The following IL1RAPL2 variants were observed in gnomAD, a reference collection of about 807,000 sequenced individuals.
IL1RAPL2 encodes the protein X-linked interleukin-1 receptor accessory protein-like 2.
IL1RAPL2 carries 3 observed loss-of-function variants against 44.1 expected under a neutral mutation model. That is an observed-to-expected ratio of 0.07 (90% confidence interval 0.03 to 0.18). The LOEUF (loss-of-function observed/expected upper bound fraction) is 0.18, where lower values mean the gene tolerates loss of function less well. IL1RAPL2 is among the 10% of genes least tolerant of loss of function. The pLI, the probability that IL1RAPL2 is intolerant of heterozygous loss-of-function variation, is 1.00. For missense variants in IL1RAPL2, 391 were observed against 496.4 expected (o/e 0.79, Z 2.02); for synonymous variants, 181 against 178.8 (o/e 1.01, Z -0.10).
At chrX:105,143,237 C>T (rs2033143086) in intron 2 of IL1RAPL2, among the ~76,000 whole-genome samples, 1 of 111,324 alleles carries the variant, frequency 9.0e-6, no homozygotes, top group Non-Finnish European at 1.9e-5. Context: ...TGAACACAAA[C>T]AAATTCACAA....
chrX:105,728,358 A>T (rs1252483342), intron 7 of IL1RAPL2, among the ~76,000 whole-genome samples: 1 of 111,497 alleles, frequency 9.0e-6, no homozygotes, highest in Admixed American at 9.6e-5. Flanking sequence ...ATGACAAAAT[A>T]CTTTAAAAAA....
chrX:105,533,353 C>A lies in IL1RAPL2; in HGVS notation c.772+48966C>A, dbSNP rs916625678. Among the ~76,000 whole-genome samples, 5 of 111,696 alleles carry A rather than the reference C, an allele frequency of 4.5e-5. No homozygotes were observed. The South Asian group carries it at 1.5e-3, about 33-fold the overall frequency. On this transcript the variant is annotated intron_variant, in intron 6 of 10. Coordinates refer to ENST00000372582, the MANE Select transcript of IL1RAPL2 (RefSeq NM_017416.2). ...TATAAGAAAGTCCTATGTACCCTTT[C>A]CCCAGCCTCCTCTAAGGTTAATATC...
intron 2 of IL1RAPL2, among the ~76,000 whole-genome samples, chrX:105,108,729 T>A (rs1006343156): frequency 9.0e-6 from 1 of 111,360 alleles, no homozygotes; most frequent in African/African-American, 3.3e-5. Flanking sequence ...TAAGCCTCAG[T>A]GGTGTCTGAG....
intron 5 of IL1RAPL2, among the ~76,000 whole-genome samples, chrX:105,370,587 A>G (rs1054287047): frequency 1.8e-5 from 2 of 112,276 alleles, no homozygotes; most frequent in African/African-American, 3.2e-5. Flanking sequence ...GTAGTATTCT[A>G]TGGTGTATAT....
chrX:104,708,930 C>A (rs1931406352), intron 2 of IL1RAPL2, among the ~76,000 whole-genome samples: 1 of 110,780 alleles, frequency 9.0e-6, no homozygotes, highest in Non-Finnish European at 1.9e-5. Flanking sequence ...ACTAGCCTGC[C>A]AAATTTAATT....
chrX:104,888,320 CAGAGAG>C (rs575416287), intron 2 of IL1RAPL2, among the ~76,000 whole-genome samples: 12 of 93,887 alleles, frequency 1.3e-4, no homozygotes, highest in South Asian at 5.1e-4. Context: ...AAGAGGGAGT[CAGAGAG>C]AGAGAGAGAG....
At chrX:104,823,434 A>AT (rs1921363137) in intron 2 of IL1RAPL2, among the ~76,000 whole-genome samples, 1 of 110,271 alleles carries the variant, frequency 9.1e-6, no homozygotes, top group African/African-American at 3.3e-5. Flanking sequence ...TGAACTCATC[A>AT]TTTTTTATGG....
At chrX:105,218,634 G>T (rs1472023127) in intron 3 of IL1RAPL2, among the ~76,000 whole-genome samples, 2 of 110,419 alleles carry the variant, frequency 1.8e-5, no homozygotes, top group Admixed American at 1.9e-4. Flanking sequence ...CACTTCTGGG[G>T]TATTGAGTGC....
intron 6 of IL1RAPL2, among the ~76,000 whole-genome samples, chrX:105,558,090 T>C (rs773931235): frequency 9.2e-4 from 102 of 111,420 alleles, no homozygotes; most frequent in Middle Eastern, 4.6e-3. Context: ...TTGGGTATAT[T>C]GAAAGACAGT....
chrX:104,635,037 G>A (rs1052722648), intron 1 of IL1RAPL2, among the ~76,000 whole-genome samples: 36 of 111,025 alleles, frequency 3.2e-4, no homozygotes, highest in Admixed American at 6.7e-4. Context: ...GGGCAGGCCT[G>A]GTGGTGACAA....
intron 3 of IL1RAPL2, among the ~76,000 whole-genome samples, chrX:105,199,289 C>G (rs1024624163): frequency 6.9e-5 from 7 of 102,144 alleles, no homozygotes; most frequent in Admixed American, 1.1e-4. Context: ...TGATATAATT[C>G]TATCATTGTG....
At chrX:104,953,732 A>C (rs1261997459) in intron 2 of IL1RAPL2, among the ~76,000 whole-genome samples, 3 of 111,844 alleles carry the variant, frequency 2.7e-5, no homozygotes, top group Non-Finnish European at 5.6e-5. Flanking sequence ...TATTATCAAC[A>C]TAATACATGT....
intron 2 of IL1RAPL2, among the ~76,000 whole-genome samples, chrX:104,938,036 T>G (rs1209097197): frequency 8.9e-6 from 1 of 112,596 alleles, no homozygotes; most frequent in Non-Finnish European, 1.9e-5. Flanking sequence ...TTATTTGATT[T>G]GTGATATCTG....
chrX:105,203,759 A>G (rs2033737372), intron 3 of IL1RAPL2, among the ~76,000 whole-genome samples: 1 of 111,641 alleles, frequency 9.0e-6, no homozygotes, highest in African/African-American at 3.3e-5. Flanking sequence ...TGCATTCTTT[A>G]CCTGACTTCC....
intron 2 of IL1RAPL2, among the ~76,000 whole-genome samples, chrX:104,776,932 C>G (rs1034772092): frequency 1.8e-5 from 2 of 111,690 alleles, no homozygotes; most frequent in Admixed American, 9.5e-5. Flanking sequence ...AGGATTACAT[C>G]CAGGATAATA....
At chrX:105,616,016 T>G (rs1390869724) in intron 6 of IL1RAPL2, among the ~76,000 whole-genome samples, 2 of 112,013 alleles carry the variant, frequency 1.8e-5, no homozygotes, top group Non-Finnish European at 3.8e-5. Flanking sequence ...TGAAACACTT[T>G]AAAAAGCACA....
chrX:104,691,239 G>T (rs1476506365), intron 2 of IL1RAPL2, among the ~76,000 whole-genome samples: 1 of 111,853 alleles, frequency 8.9e-6, no homozygotes, highest in Non-Finnish European at 1.9e-5. Context: ...TGTCACGTCA[G>T]GGCCTAGCTT....
chrX:104,635,451 T>C (rs1010559559), intron 1 of IL1RAPL2, among the ~76,000 whole-genome samples: 1 of 111,952 alleles, frequency 8.9e-6, no homozygotes, highest in Non-Finnish European at 1.9e-5. Flanking sequence ...CCAACTTGGT[T>C]CCATTCTCCC....
chrX:105,277,389 A>G (rs1471674241), intron 5 of IL1RAPL2, among the ~76,000 whole-genome samples: 1 of 111,973 alleles, frequency 8.9e-6, no homozygotes, highest in Non-Finnish European at 1.9e-5. Flanking sequence ...AGCTTGCAGC[A>G]GTTTCTTTGT....
Sources: allele counts gnomAD v4.1 joint callset (sites outside exome capture counted in the v4.1 genomes callset), GRCh38; gene constraint gnomAD v4.1.1; transcripts MANE v1.5; gene names NCBI Gene and HGNC (gene_info 2026-07-23, HGNC 2026-07-21).